NAV2: variants seen among roughly 807,000 people sequenced by gnomAD.
NAV2 encodes neuron navigator 2.
Under a neutral mutation model 223.2 loss-of-function variants are expected in NAV2, and 54 were observed. The observed-to-expected ratio is 0.24, with a 90% CI of 0.19 to 0.30. The LOEUF (loss-of-function observed/expected upper bound fraction) is 0.30. NAV2 is among the 10% of genes least tolerant of loss of function. The pLI is 1.00. For synonymous variants in NAV2, 1,279 were observed against 1,239.3 expected (o/e 1.03, Z -0.67); for missense variants, 2,806 against 3,147.5 (o/e 0.89, Z 2.60).
chr11:19,382,122 T>G (rs1266852379), intron 1 of NAV2, among the ~76,000 whole-genome samples: 1 of 152,130 alleles, frequency 6.6e-6, no homozygotes. Flanking sequence ...GGATGAATAT[T>G]TCAGAAAGGC....
chr11:19,929,590 A>G (rs1388911021), intron 6 of NAV2, among the ~76,000 whole-genome samples: 1 of 152,172 alleles, frequency 6.6e-6, no homozygotes, highest in East Asian at 1.9e-4. Flanking sequence ...ATGACTTAAT[A>G]ACCAGGGGAG....
At chr11:19,952,972 G>A (rs557515340) in intron 10 of NAV2, among the ~76,000 whole-genome samples, 9 of 152,218 alleles carry the variant, frequency 5.9e-5, no homozygotes, top group East Asian at 1.9e-4. Context: ...GATAAATTGG[G>A]CATTGGCTGT....
Position 19,811,721 on chromosome 11 carries a change from T to C in NAV2, c.268-20763T>C, listed in dbSNP as rs1279887039. ...CCTGGAATTGTAAATGACTGCCTCC[T>C]CTTCCTTTTTGCGTGCTTTTGCTAA... is the stretch of plus-strand genomic sequence containing the variant. On this transcript the variant is annotated intron_variant, in intron 1 of 37. Coordinates refer to ENST00000349880, the MANE Select transcript of NAV2 (RefSeq NM_145117.5). Among the ~76,000 whole-genome samples the C allele has an allele frequency of 7.9e-5, 12 of 152,240 alleles. No individual in the cohort carries two copies. In the South Asian group the frequency reaches 1.7e-3, roughly 21 times the overall value.
chr11:19,872,176 C>T (rs1193462898), intron 4 of NAV2, among the ~76,000 whole-genome samples: 1 of 152,182 alleles, frequency 6.6e-6, no homozygotes, highest in Non-Finnish European at 1.5e-5. Flanking sequence ...TTTCAGGGTA[C>T]AGGCAATATC....
At chr11:19,917,851 A>C (rs974324817) in intron 6 of NAV2, among the ~76,000 whole-genome samples, 1 of 152,240 alleles carries the variant, frequency 6.6e-6, no homozygotes, top group Non-Finnish European at 1.5e-5. Context: ...TCCTGACCTC[A>C]GGTGATCCGC....
intron 1 of NAV2, among the ~76,000 whole-genome samples, chr11:19,412,015 G>C (rs75503720): frequency 2.1e-3 from 319 of 152,232 alleles, no homozygotes; most frequent in Admixed American, 3.3e-3. Context: ...GGGGTCTTTC[G>C]AGCTAGCTGC....
At chr11:19,686,488 G>C (rs1229228263) in intron 1 of NAV2, among the ~76,000 whole-genome samples, 1 of 152,206 alleles carries the variant, frequency 6.6e-6, no homozygotes, top group Non-Finnish European at 1.5e-5. Context: ...CCAGGTCATA[G>C]GGGTTGCCTG....
At chr11:19,907,580 G>C (rs1186470974) in intron 6 of NAV2, among the ~76,000 whole-genome samples, 4 of 152,088 alleles carry the variant, frequency 2.6e-5, no homozygotes, top group African/African-American at 7.2e-5. Context: ...AACACTGAAA[G>C]AAGCATTTGT....
chr11:19,371,391 C>T (rs574044173), intron 1 of NAV2, among the ~76,000 whole-genome samples: 51 of 152,266 alleles, frequency 3.3e-4, no homozygotes, highest in African/African-American at 1.2e-3. Context: ...TTAACCCTCC[C>T]TCATTTTACA....
chr11:20,036,176 C>T, intron 12 of NAV2, 79 bp downstream of exon 12: 1 of 1,535,250 alleles, frequency 6.5e-7, no homozygotes, highest in Non-Finnish European at 9.0e-7. Context: ...GTAAGAGGGC[C>T]ATTTGGGGCA....
At chr11:19,825,780 G>T (rs879634622) in intron 1 of NAV2, among the ~76,000 whole-genome samples, 1 of 152,174 alleles carries the variant, frequency 6.6e-6, no homozygotes, top group Admixed American at 6.5e-5. Flanking sequence ...TACTTGAATT[G>T]ATCTGTCAAA....
At chr11:20,100,660 A>G (rs910485815) in intron 31 of NAV2, among the ~76,000 whole-genome samples, 7 of 152,058 alleles carry the variant, frequency 4.6e-5, no homozygotes, top group Non-Finnish European at 1.0e-4. Flanking sequence ...GAGGACAGAT[A>G]GGGACTGAGA....
At chr11:20,057,546 T>C (rs185034325) in intron 19 of NAV2, among the ~76,000 whole-genome samples, 2 of 152,296 alleles carry the variant, frequency 1.3e-5, no homozygotes, top group Admixed American at 6.5e-5. Context: ...AGAGAATATA[T>C]TGTGATCCTA....
At chr11:19,874,267 A>G (rs1394880598) in intron 4 of NAV2, among the ~76,000 whole-genome samples, 1 of 152,198 alleles carries the variant, frequency 6.6e-6, no homozygotes, top group African/African-American at 2.4e-5. Context: ...TCAAGGCAAT[A>G]CTAATTCAAA....
At chr11:19,817,805 A>G (rs1004043372) in intron 1 of NAV2, among the ~76,000 whole-genome samples, 7 of 152,160 alleles carry the variant, frequency 4.6e-5, no homozygotes, top group African/African-American at 1.4e-4. Flanking sequence ...GCTCCAGCTC[A>G]CTTGCTCCTG....
intron 1 of NAV2, among the ~76,000 whole-genome samples, chr11:19,573,150 C>A (rs1378307094): frequency 6.6e-6 from 1 of 152,186 alleles, no homozygotes; most frequent in African/African-American, 2.4e-5. Context: ...TACCTCCCAC[C>A]TCCACCCAGA....
At chr11:19,636,552 G>A (rs538261577) in intron 1 of NAV2, among the ~76,000 whole-genome samples, 28 of 150,706 alleles carry the variant, frequency 1.9e-4, no homozygotes, top group Admixed American at 1.1e-3. Context: ...GTGCAATGGC[G>A]TGATCTCGGC....
At position 19,619,349 on chromosome 11, in the gene NAV2, T is replaced by C. The variant is rs575817901; in HGVS notation, c.76-213135T>C. ...GGAATCACCACACTGACTTCCACAA[T>C]GGTTGAACTAGTTTACAGTCCCACC... is the stretch of plus-strand genomic sequence containing the variant. On this transcript the variant is annotated intron_variant, in intron 1 of 37. Transcript: ENST00000360655. Among the ~76,000 whole-genome samples, 19 of 152,272 alleles carry C rather than the reference T, an allele frequency of 1.2e-4. 2 individuals carry two copies. The highest frequency in any genetic ancestry group is 4.6e-4 in the African/African-American group (19 of 41,564).
intron 1 of NAV2, among the ~76,000 whole-genome samples, chr11:19,609,614 G>T (rs2046578036): frequency 6.6e-6 from 1 of 152,224 alleles, no homozygotes; most frequent in South Asian, 2.1e-4. Context: ...GAGACACTAA[G>T]TGCCTTGAAG....
Sources: allele counts gnomAD v4.1 joint callset (sites outside exome capture counted in the v4.1 genomes callset), GRCh38; gene constraint gnomAD v4.1.1; transcripts MANE v1.5; gene names NCBI Gene and HGNC (gene_info 2026-07-23, HGNC 2026-07-21).